The following PPP2R3A variants were observed in gnomAD, a reference collection of about 807,000 sequenced individuals.
The protein encoded by PPP2R3A is serine/threonine-protein phosphatase 2A regulatory subunit B'' subunit alpha.
In PPP2R3A, 80 loss-of-function variants were observed where a neutral mutation model predicts 106.9. The ratio of observed to expected loss-of-function variants is 0.75; its 90% CI spans 0.62 to 0.90. The LOEUF (loss-of-function observed/expected upper bound fraction) is 0.90, where lower values mean the gene tolerates loss of function less well. PPP2R3A is among the 40% of genes least tolerant of loss of function. The pLI is 0.00. For synonymous variants in PPP2R3A, 483 were observed against 468.3 expected (o/e 1.03, Z -0.41); for missense variants, 1,386 against 1,350.4 (o/e 1.03, Z -0.41).
At chr3:136,111,120 G>T (rs1389694852) in intron 13 of PPP2R3A, among the ~76,000 whole-genome samples, 1 of 152,072 alleles carries the variant, frequency 6.6e-6, no homozygotes, top group Non-Finnish European at 1.5e-5. Flanking sequence ...GAAGGTAAAT[G>T]GATCCTAGAG....
chr3:136,008,759 T>C (rs901704476), intron 2 of PPP2R3A, among the ~76,000 whole-genome samples: 1 of 152,168 alleles, frequency 6.6e-6, no homozygotes, highest in Non-Finnish European at 1.5e-5. Context: ...CTGATAAGTC[T>C]GCCCTCTCCC....
chr3:135,976,780 C>T (rs1388382104), intron 1 of PPP2R3A, among the ~76,000 whole-genome samples: 1 of 152,098 alleles, frequency 6.6e-6, no homozygotes, highest in African/African-American at 2.4e-5. Flanking sequence ...CCCAAAGATA[C>T]ACATAAAATC....
intron 12 of PPP2R3A, among the ~76,000 whole-genome samples, chr3:136,105,146 A>C (rs943038672): frequency 6.6e-6 from 1 of 152,240 alleles, no homozygotes; most frequent in African/African-American, 2.4e-5. Context: ...GGCTGTTTCC[A>C]GGAAGCTATC....
intron 1 of PPP2R3A, among the ~76,000 whole-genome samples, chr3:135,979,025 T>C (rs1051240062): frequency 6.6e-6 from 1 of 151,874 alleles, no homozygotes; most frequent in Admixed American, 6.6e-5. Flanking sequence ...TTATCATATG[T>C]CATAAAATTT....
At chr3:136,121,951 T>A (rs1216848572) in intron 13 of PPP2R3A, among the ~76,000 whole-genome samples, 1 of 152,036 alleles carries the variant, frequency 6.6e-6, no homozygotes, top group Non-Finnish European at 1.5e-5. Flanking sequence ...AACATAAAAT[T>A]CTGAAGGTTT....
In PPP2R3A at chr3:136,145,187, A is replaced by G. The variant is rs773439203; in HGVS notation, c.*21A>G. ...AATAGCTGCCGGTGTCTACAATGAAACGAAGATGTGTATTTTAAATGTTTC... is the reference window on the plus strand; with the variant it reads ...AATAGCTGCCGGTGTCTACAATGAAGCGAAGATGTGTATTTTAAATGTTTC... On this transcript the variant is annotated 3_prime_UTR_variant, in exon 14 of 14. Transcript: ENST00000264977. 6.3e-7 allele frequency: 1 copy of G among 1,593,112 alleles called. No homozygotes were observed. Among genetic ancestry groups the G allele is most frequent in the Non-Finnish European group, 8.5e-7 (1 of 1,173,234 alleles).
chr3:136,046,944 A>G (rs1372660538), intron 4 of PPP2R3A, among the ~76,000 whole-genome samples: 3 of 152,232 alleles, frequency 2.0e-5, no homozygotes, highest in Non-Finnish European at 4.4e-5. Flanking sequence ...CGGGAATTCC[A>G]TAATACAACT....
At chr3:136,007,110 A>C (rs189968465) in intron 2 of PPP2R3A, among the ~76,000 whole-genome samples, 249 of 152,328 alleles carry the variant, frequency 1.6e-3, no homozygotes, top group Non-Finnish European at 4.9e-4. Flanking sequence ...GCCTCCAAAA[A>C]TGTTATCTCA....
intron 5 of PPP2R3A, among the ~76,000 whole-genome samples, chr3:136,064,037 A>G (rs1199303050): frequency 6.6e-6 from 1 of 151,734 alleles, no homozygotes; most frequent in East Asian, 1.9e-4. Flanking sequence ...GCAACGATAG[A>G]CTGGATTAAG....
chr3:136,106,168 T>C (rs201455963), intron 12 of PPP2R3A, 48 bp from the exon 13 acceptor site: 1 of 1,491,910 alleles, frequency 6.7e-7, no homozygotes, highest in East Asian at 2.3e-5. Context: ...CTCCAATTCT[T>C]TGTCTTTGAT....
chr3:136,077,644 C>T (rs758339711), intron 6 of PPP2R3A, among the ~76,000 whole-genome samples: 1 of 152,046 alleles, frequency 6.6e-6, no homozygotes, highest in Non-Finnish European at 1.5e-5. Flanking sequence ...ACTGTGACCT[C>T]CTACCTCCAG....
intron 7 of PPP2R3A, among the ~76,000 whole-genome samples, chr3:136,078,786 G>A (rs1936682332): frequency 6.6e-6 from 1 of 152,220 alleles, no homozygotes; most frequent in Non-Finnish European, 1.5e-5. Flanking sequence ...GTGGGCTGGG[G>A]CTAGGTTGGG....
intron 5 of PPP2R3A, among the ~76,000 whole-genome samples, chr3:136,063,784 T>G (rs1936163149): frequency 6.7e-6 from 1 of 149,832 alleles, no homozygotes; most frequent in African/African-American, 2.5e-5. Flanking sequence ...CTGGAGAGGA[T>G]GTGGAGAAAT....
intron 1 of PPP2R3A, among the ~76,000 whole-genome samples, chr3:135,979,795 C>A (rs1026545582): frequency 6.6e-6 from 1 of 150,960 alleles, no homozygotes; most frequent in African/African-American, 2.5e-5. Context: ...AAGAGAGACA[C>A]CAAGAGAGGG....
intron 5 of PPP2R3A, among the ~76,000 whole-genome samples, chr3:136,064,879 C>T (rs1936210690): frequency 6.6e-6 from 1 of 151,982 alleles, no homozygotes; most frequent in Non-Finnish European, 1.5e-5. Flanking sequence ...CAAAATATCA[C>T]AAAAACATTT....
intron 13 of PPP2R3A, among the ~76,000 whole-genome samples, chr3:136,118,082 C>G (rs1005162043): frequency 6.6e-6 from 1 of 152,188 alleles, no homozygotes; most frequent in African/African-American, 2.4e-5. Context: ...ATATGCAAAA[C>G]AGTAAATGTA....
chr3:136,001,443 T>G lies in PPP2R3A; in HGVS notation c.-56T>G. The G allele has an allele frequency of 7.0e-7, 1 of 1,431,940 alleles. No homozygotes were observed. The highest frequency in any genetic ancestry group is 9.6e-7 in the Non-Finnish European group (1 of 1,043,898). 88.7% of individuals were successfully genotyped at this position (1,431,940 alleles called of 1,614,324 possible). On this transcript the variant is annotated 5_prime_UTR_variant, in exon 2 of 14. Coordinates refer to ENST00000264977, the MANE Select transcript of PPP2R3A (RefSeq NM_002718.5). ...CAGCTAACTGTCATTTAGGAGAATT[T>G]TCATGAAACAAGTTCTAGAAAGTTC...
Position 136,146,730 on chromosome 3 carries a change from A to G in PPP2R3A, c.*1564A>G, listed in dbSNP as rs554517289. On this transcript the variant is annotated 3_prime_UTR_variant, in exon 14 of 14. Transcript: ENST00000264977. ...TAAAAGCTTAAAAATAATTTTTAGG[A>G]AACACAATATTCAAAATCTAAACAC... The G allele has an allele frequency of 6.6e-6, 1 of 152,294 alleles. No individual in the cohort carries two copies. Among genetic ancestry groups the G allele is most frequent in the East Asian group, 1.9e-4 (1 of 5,186 alleles). 9.4% of individuals were successfully genotyped at this position (152,294 alleles called of 1,614,324 possible).
At chr3:136,036,215 A>G (rs1051077029) in intron 3 of PPP2R3A, among the ~76,000 whole-genome samples, 17 of 152,034 alleles carry the variant, frequency 1.1e-4, no homozygotes, top group Non-Finnish European at 2.5e-4. Flanking sequence ...ATTCTTTTTC[A>G]GGTAAATCAG....
Sources: allele counts gnomAD v4.1 joint callset (sites outside exome capture counted in the v4.1 genomes callset), GRCh38; gene constraint gnomAD v4.1.1; transcripts MANE v1.5; gene names NCBI Gene and HGNC (gene_info 2026-07-23, HGNC 2026-07-21).